The following RBMS1 variants were observed in gnomAD, a reference collection of about 807,000 sequenced individuals.
RBMS1 encodes the protein RNA-binding motif, single-stranded-interacting protein 1.
Under a neutral mutation model 62.3 loss-of-function variants are expected in RBMS1, and 17 were observed. The ratio of observed to expected loss-of-function variants is 0.27; its 90% CI spans 0.19 to 0.41. RBMS1 has a LOEUF of 0.41. Among genes scored for constraint, RBMS1 ranks in the 10% least tolerant of loss-of-function variants. The probability of loss-of-function intolerance (pLI) is 1.00; values close to 1 mark genes in which losing one functional copy is unlikely to be tolerated. For missense variants in RBMS1, 334 were observed against 504.5 expected, an observed-to-expected ratio of 0.66 and a Z score of 3.24; for synonymous variants, 172 against 170.0, an observed-to-expected ratio of 1.01 and a Z score of -0.09.
intron 3 of RBMS1, among the ~76,000 whole-genome samples, chr2:160,317,424 T>C (rs1004776302): frequency 6.6e-6 from 1 of 152,162 alleles, no homozygotes; most frequent in African/African-American, 2.4e-5. Flanking sequence ...ATTCTTCCCT[T>C]TTCCTAGAAA....
chr2:160,480,726 A>G (rs1426902353), intron 1 of RBMS1, among the ~76,000 whole-genome samples: 1 of 152,200 alleles, frequency 6.6e-6, no homozygotes, highest in African/African-American at 2.4e-5. Context: ...TTATAAGGAA[A>G]TGCAAAGAAC....
chr2:160,284,906 T>C (rs1688289367), intron 8 of RBMS1, 38 bp from the exon 9 acceptor site: 2 of 1,566,644 alleles, frequency 1.3e-6, no homozygotes, highest in African/African-American at 2.7e-5. Flanking sequence ...AGTAATCCTT[T>C]AAATAGAATA....
At chr2:160,320,192 G>A (rs1035314074) in intron 2 of RBMS1, among the ~76,000 whole-genome samples, 7 of 152,224 alleles carry the variant, frequency 4.6e-5, no homozygotes, top group Non-Finnish European at 8.8e-5. Flanking sequence ...TCCCAGCTGA[G>A]CATGGTGGCT....
intron 2 of RBMS1, among the ~76,000 whole-genome samples, chr2:160,320,675 C>A (rs926714368): frequency 1.5e-4 from 23 of 152,244 alleles, no homozygotes; most frequent in African/African-American, 5.3e-4. Flanking sequence ...CTGCACACAC[C>A]TTCTCCCCTT....
chr2:160,398,415 C>T (rs989572121), intron 1 of RBMS1, among the ~76,000 whole-genome samples: 1 of 152,202 alleles, frequency 6.6e-6, no homozygotes, highest in Non-Finnish European at 1.5e-5. Flanking sequence ...TCCATGCAGA[C>T]ATGTGAGGCA....
intron 1 of RBMS1, among the ~76,000 whole-genome samples, chr2:160,375,777 T>C (rs1403624776): frequency 6.6e-6 from 1 of 152,090 alleles, no homozygotes; most frequent in Non-Finnish European, 1.5e-5. Flanking sequence ...TGAATGCAGG[T>C]GTGCAGTGTT....
intron 1 of RBMS1, among the ~76,000 whole-genome samples, chr2:160,420,730 C>A (rs1040213115): frequency 1.3e-5 from 2 of 152,174 alleles, no homozygotes; most frequent in Non-Finnish European, 2.9e-5. Context: ...TATGAGGACA[C>A]ATGCTCCCAA....
At chr2:160,353,150 C>T (rs1692609386) in intron 2 of RBMS1, among the ~76,000 whole-genome samples, 1 of 152,094 alleles carries the variant, frequency 6.6e-6, no homozygotes, top group African/African-American at 2.4e-5. Context: ...AAAACTGTCT[C>T]ACTGTTCTCC....
chr2:160,475,804 G>GC (rs754183191), intron 1 of RBMS1, among the ~76,000 whole-genome samples: 16 of 151,144 alleles, frequency 1.1e-4, no homozygotes, highest in Non-Finnish European at 2.2e-4. Flanking sequence ...AATTAATAAT[G>GC]CCCCATCCAT....
intron 1 of RBMS1, among the ~76,000 whole-genome samples, chr2:160,410,964 G>A (rs1033179055): frequency 6.6e-6 from 1 of 152,134 alleles, no homozygotes. Flanking sequence ...GGATGGTCTC[G>A]ATCTCTTGAC....
At chr2:160,437,635 C>T (rs1156645482) in intron 1 of RBMS1, among the ~76,000 whole-genome samples, 1 of 152,186 alleles carries the variant, frequency 6.6e-6, no homozygotes. Flanking sequence ...TCGTCTGGAT[C>T]GACTTCCCAA....
intron 5 of RBMS1, among the ~76,000 whole-genome samples, chr2:160,302,133 T>C (rs1350028344): frequency 6.6e-6 from 1 of 152,078 alleles, no homozygotes; most frequent in Non-Finnish European, 1.5e-5. Context: ...GTGTTTTTTT[T>C]CTGGGGAGAA....
rs150285269 is a variant in RBMS1 at position 160,457,762 on chromosome 2, A to T, written c.75+35527T>A. On this transcript the variant is annotated intron_variant, in intron 1 of 13. Transcript: ENST00000348849. Reference sequence around the variant, plus strand: ...TGTGATCAGCTGGGGAGGGCTGCCTATGCACTAACAGGTGCCAGCTTGAAA... The same window carrying T: ...TGTGATCAGCTGGGGAGGGCTGCCTTTGCACTAACAGGTGCCAGCTTGAAA... Among the ~76,000 whole-genome samples the T allele has an allele frequency of 2.0e-5, 3 of 152,076 alleles. No homozygotes were observed. The East Asian group carries it at 5.8e-4, about 29-fold the overall frequency.
intron 1 of RBMS1, among the ~76,000 whole-genome samples, chr2:160,384,855 C>A (rs1440307339): frequency 6.6e-6 from 1 of 152,220 alleles, no homozygotes; most frequent in African/African-American, 2.4e-5. Flanking sequence ...GTGATCCCCA[C>A]TGTTGAAGGT....
chr2:160,481,233 G>C (rs1053985232), intron 1 of RBMS1, among the ~76,000 whole-genome samples: 1 of 151,978 alleles, frequency 6.6e-6, no homozygotes, highest in Non-Finnish European at 1.5e-5. Context: ...GGCACCGGGG[G>C]TGGGCGAGGT....
At chr2:160,397,425 C>G (rs1204372322) in intron 1 of RBMS1, among the ~76,000 whole-genome samples, 1 of 152,060 alleles carries the variant, frequency 6.6e-6, no homozygotes, top group Non-Finnish European at 1.5e-5. Flanking sequence ...CTGAGGAGCC[C>G]TTTCCTGTAA....
chr2:160,425,679 C>G (rs1399743340), intron 1 of RBMS1, among the ~76,000 whole-genome samples: 3 of 152,124 alleles, frequency 2.0e-5, no homozygotes, highest in Non-Finnish European at 2.9e-5. Context: ...CAAAGAGCAA[C>G]TACAGCAGAA....
At position 160,367,362 on chromosome 2, in the gene RBMS1, G is replaced by T; in HGVS notation, c.105C>A (p.Ala35=). Residue 35 remains alanine (A), a synonymous_variant, in exon 2 of 14, where the codon GCC becomes GCA. Coordinates refer to ENST00000348849, the MANE Select transcript of RBMS1 (RefSeq NM_016836.4). ...KQSLVPAHPM[A]PPSPSTTSSN... ...TGCTGGTGGTGCTGGGACTGGGAGGGGCCATGGGGTGGGCTGGGACCAGAG... is the reference window on the plus strand; with the variant it reads ...TGCTGGTGGTGCTGGGACTGGGAGGTGCCATGGGGTGGGCTGGGACCAGAG... 1 of 1,613,986 alleles carries T rather than the reference G, an allele frequency of 6.2e-7. No individual in the cohort carries two copies. The highest frequency in any genetic ancestry group is 8.5e-7 in the Non-Finnish European group (1 of 1,179,968).
At chr2:160,341,184 T>C (rs1431783455) in intron 2 of RBMS1, among the ~76,000 whole-genome samples, 1 of 152,130 alleles carries the variant, frequency 6.6e-6, no homozygotes, top group African/African-American at 2.4e-5. Context: ...TAATGAAAAT[T>C]TTTTCATGTC....
Sources: allele counts gnomAD v4.1 joint callset (sites outside exome capture counted in the v4.1 genomes callset), GRCh38; gene constraint gnomAD v4.1.1; transcripts MANE v1.5; gene names NCBI Gene and HGNC (gene_info 2026-07-23, HGNC 2026-07-21).